AFF1: variants seen among roughly 807,000 people sequenced by gnomAD.
AFF1 encodes ALF transcription elongation factor 1, also known as AF4/FMR2 family member 1.
AFF1 carries 48 observed loss-of-function variants against 121.7 expected under a neutral mutation model. The observed-to-expected ratio is 0.39, with a 90% confidence interval of 0.31 to 0.50. The LOEUF (loss-of-function observed/expected upper bound fraction) is 0.50. AFF1 is among the 20% of genes least tolerant of loss of function. The pLI, the probability that AFF1 is intolerant of heterozygous loss-of-function variation, is 0.76. For synonymous variants in AFF1, 613 were observed against 563.0 expected (o/e 1.09, Z -1.26); for missense variants, 1,523 against 1,511.7 (o/e 1.01, Z -0.12).
chr4:87,073,280 CAAAAAAAAAAAAAAAAAAAAAA>C (rs55821662), intron 4 of AFF1, among the ~76,000 whole-genome samples: 1 of 83,672 alleles, frequency 1.2e-5, no homozygotes, highest in Non-Finnish European at 2.2e-5. Context: ...GCATTAAAGC[CAAAAAAAAAAAAAAAAAAAAAA>C]AAAAAAAAAA....
rs2149613874 is a variant in AFF1, at chr4:87,046,752, G to A, written c.217G>A (p.Glu73Lys). ...RIQNMLGNYEEVKEFLSTKSH... is the reference protein window; with the variant it reads ...RIQNMLGNYEKVKEFLSTKSH... The stretch of plus-strand genomic sequence containing the variant: ...ACAGAACATGTTGGGAAACTACGAA[G>A]AAGTGAAGGAGTTCCTTAGTACTAA... The change falls in exon 4 of 21, where the codon GAA (glutamate) becomes AAA (lysine). Residue 73 changes from glutamate to lysine, a missense_variant. By Grantham distance (56) the Glu-to-Lys change is moderately conservative. This residue lies in a region of AFF1 where 369 missense variants were observed against 367.2 expected (regional missense o/e 1.00). Coordinates refer to ENST00000395146, the MANE Select transcript of AFF1 (RefSeq NM_001166693.3). 6.2e-7 allele frequency: 1 copy of A among 1,614,124 alleles called. No homozygotes were observed. Among genetic ancestry groups the A allele is most frequent in the East Asian group, 2.2e-5 (1 of 44,876 alleles).
chr4:87,082,464 T>C lies in AFF1; in HGVS notation c.1060-1656T>C, dbSNP rs182266006. Among the ~76,000 whole-genome samples, 9 of 152,332 alleles carry C rather than the reference T, an allele frequency of 5.9e-5. No individual in the cohort carries two copies. The East Asian group carries it at 1.5e-3, about 26-fold the overall frequency. On this transcript the variant is annotated intron_variant, in intron 4 of 20. Coordinates refer to ENST00000395146, the MANE Select transcript of AFF1 (RefSeq NM_001166693.3). Reference sequence around the variant, plus strand: ...GGACACCCTTGATTCTCTTTGGTTATACCTGACTTCAAGACTCTTTCCAGG... The same window carrying C: ...GGACACCCTTGATTCTCTTTGGTTACACCTGACTTCAAGACTCTTTCCAGG...
At chr4:87,050,307 T>C (rs1279334521) in intron 4 of AFF1, among the ~76,000 whole-genome samples, 3 of 152,230 alleles carry the variant, frequency 2.0e-5, no homozygotes, top group African/African-American at 7.2e-5. Context: ...GGAAATTTTC[T>C]CTTTCCTAGT....
At chr4:87,049,704 C>T (rs749555748) in intron 4 of AFF1, 28 of 456,032 alleles carry the variant, frequency 6.1e-5, no homozygotes, top group Non-Finnish European at 1.1e-4. Context: ...GGCCCGAGTT[C>T]TCATGCCAGG....
At chr4:87,056,134 C>T (rs554098493) in intron 4 of AFF1, among the ~76,000 whole-genome samples, 5 of 151,906 alleles carry the variant, frequency 3.3e-5, no homozygotes, top group Non-Finnish European at 5.9e-5. Context: ...CCATTCTAAT[C>T]TTCTTAATCC....
chr4:87,066,033 G>A (rs1211774618), intron 4 of AFF1, among the ~76,000 whole-genome samples: 1 of 152,176 alleles, frequency 6.6e-6, no homozygotes, highest in Non-Finnish European at 1.5e-5. Context: ...ATTTTCAGAG[G>A]TGAAGATGAC....
At chr4:87,118,179 T>G (rs1727313425) in intron 12 of AFF1, among the ~76,000 whole-genome samples, 1 of 152,254 alleles carries the variant, frequency 6.6e-6, no homozygotes, top group Non-Finnish European at 1.5e-5. Flanking sequence ...GCCAAATATT[T>G]TCTTTCAGAA....
At chr4:87,043,336 G>T (rs895753892) in intron 2 of AFF1, among the ~76,000 whole-genome samples, 2 of 152,184 alleles carry the variant, frequency 1.3e-5, no homozygotes, top group South Asian at 2.1e-4. Context: ...GCTGCAAGGT[G>T]CATGCACTGG....
chr4:86,953,836 C>A (rs1243510323), intron 2 of AFF1, among the ~76,000 whole-genome samples: 5 of 150,994 alleles, frequency 3.3e-5, no homozygotes, highest in African/African-American at 1.2e-4. Flanking sequence ...TCTCCTGCTT[C>A]AGCCTCCCGA....
At chr4:87,049,286 A>G (rs1375800054) in intron 4 of AFF1, among the ~76,000 whole-genome samples, 1 of 152,218 alleles carries the variant, frequency 6.6e-6, no homozygotes, top group African/African-American at 2.4e-5. Flanking sequence ...TATAGAGATC[A>G]GCCTACACTT....
intron 2 of AFF1, among the ~76,000 whole-genome samples, chr4:86,982,157 G>A (rs1434905929): frequency 3.3e-5 from 5 of 152,200 alleles, no homozygotes; most frequent in Admixed American, 6.5e-5. Flanking sequence ...GTCATTGTGA[G>A]GAAAAGGATG....
At chr4:87,073,953 A>C (rs891347267) in intron 4 of AFF1, among the ~76,000 whole-genome samples, 8 of 152,056 alleles carry the variant, frequency 5.3e-5, no homozygotes, top group Non-Finnish European at 1.2e-4. Context: ...TTTGAGAGAC[A>C]GAGTAGAGTG....
At chr4:87,063,913 CTT>C (rs1458767440) in intron 4 of AFF1, among the ~76,000 whole-genome samples, 1 of 152,152 alleles carries the variant, frequency 6.6e-6, no homozygotes, top group Non-Finnish European at 1.5e-5. Context: ...CAAGAAATAT[CTT>C]TGTGTTTTAG....
At chr4:87,093,383 AT>A (rs1246293050) in intron 7 of AFF1, among the ~76,000 whole-genome samples, 1 of 152,192 alleles carries the variant, frequency 6.6e-6, no homozygotes, top group African/African-American at 2.4e-5. Flanking sequence ...ATGGTGGGGT[AT>A]GGATGGATAT....
At chr4:87,006,180 T>C (rs1475324475) in intron 2 of AFF1, among the ~76,000 whole-genome samples, 1 of 152,170 alleles carries the variant, frequency 6.6e-6, no homozygotes, top group Non-Finnish European at 1.5e-5. Flanking sequence ...TGATTCTAGG[T>C]AGAAGAACGG....
chr4:87,104,168 A>G (rs563559644), intron 8 of AFF1, among the ~76,000 whole-genome samples: 2 of 152,168 alleles, frequency 1.3e-5, no homozygotes, highest in South Asian at 4.1e-4. Flanking sequence ...GCAGTTTAGG[A>G]GGCTGAGGTG....
At position 87,047,080 on chromosome 4, in the gene AFF1, A is replaced by G; in HGVS notation, c.545A>G (p.Lys182Arg). ...GQEGFGSSHH[K>R]KGDRRADGDH... ...GAGGGGTTCGGCTCTAGTCATCACA[A>G]GAAAGGTGACCGAAGAGCTGACGGA... is the stretch of plus-strand genomic sequence containing the variant. The change falls in exon 4 of 21, where the codon AAG becomes AGG. Residue 182 changes from lysine (K) to arginine (R), a missense_variant. Coordinates refer to ENST00000395146, the MANE Select transcript of AFF1 (RefSeq NM_001166693.3). 2.5e-6 allele frequency: 4 copies of G among 1,614,198 alleles called. No homozygotes were observed. The highest frequency in any genetic ancestry group is 2.5e-6 in the Non-Finnish European group (3 of 1,180,036).
At chr4:87,092,655 A>C (rs72879920) in intron 7 of AFF1, among the ~76,000 whole-genome samples, 4 of 152,072 alleles carry the variant, frequency 2.6e-5, no homozygotes, top group Admixed American at 2.6e-4. Flanking sequence ...AAAACCTAAA[A>C]TATTTATTGT....
chr4:87,115,295 GAA>G lies in AFF1; in HGVS notation c.2464_2465del (p.Lys822GlyfsTer2). 6.3e-7 allele frequency: 1 copy of G among 1,593,192 alleles called. No individual in the cohort carries two copies. The highest frequency in any genetic ancestry group is 8.5e-7 in the Non-Finnish European group (1 of 1,169,902). ...AGCTCAAGCAAGTTGGCCAAAAAGA[GAA>G]AGGTGAGTGTGGGGAGACTGCCCTG... is the stretch of plus-strand genomic sequence containing the variant. On this transcript the variant is annotated frameshift_variant and splice_region_variant, in exon 12 of 21. Transcript: ENST00000395146. LOFTEE classifies it high-confidence loss of function.
Sources: gnomAD v4.1 joint callset for allele counts (sites outside exome capture counted in the v4.1 genomes callset) on GRCh38, gnomAD v4.1.1 for gene constraint, gnomAD v4.1.1 regional missense constraint, MANE v1.5 for transcripts, NCBI Gene and HGNC (gene_info 2026-07-23, HGNC 2026-07-21) for gene names.